Variants in AGBL3 observed in about 807,000 individuals in gnomAD.
The protein encoded by AGBL3 is cytosolic carboxypeptidase 3.
Under a neutral mutation model 94.5 loss-of-function variants are expected in AGBL3, and 68 were observed. That is an observed-to-expected ratio of 0.72 (90% CI 0.59 to 0.88). The LOEUF (loss-of-function observed/expected upper bound fraction) is 0.88. Ranked by LOEUF, AGBL3 falls within the 40% of genes least tolerant of loss-of-function variation. AGBL3 has a pLI of 0.00. For missense variants in AGBL3, 934 were observed against 1,103.8 expected (o/e 0.85, Z 2.18); for synonymous variants, 354 against 370.7 (o/e 0.95, Z 0.52).
At chr7:135,034,120 C>T in intron 6 of AGBL3, 29 bp from the exon 7 acceptor site, 1 of 1,367,942 alleles carries the variant, frequency 7.3e-7, no homozygotes, top group Non-Finnish European at 9.5e-7. Flanking sequence ...TTCTTACGTG[C>T]TTTTTTCCCT....
chr7:135,069,139 CATAATGGTAAAGGGATCAAT>C (rs1381532899), intron 12 of AGBL3, among the ~76,000 whole-genome samples: 1 of 152,182 alleles, frequency 6.6e-6, no homozygotes, highest in African/African-American at 2.4e-5. Flanking sequence ...AAGGCCATTA[CATAATGGTAAAGGGATCAAT>C]TCAACAAGAA....
intron 11 of AGBL3, among the ~76,000 whole-genome samples, chr7:135,056,350 TTTC>T (rs759393800): frequency 1.1e-4 from 17 of 152,124 alleles, no homozygotes; most frequent in Non-Finnish European, 2.4e-4. Context: ...ATTTTAAAGC[TTTC>T]TTCTTTTCTG....
chr7:135,001,306 C>T (rs1337722745), intron 4 of AGBL3, among the ~76,000 whole-genome samples: 1 of 152,136 alleles, frequency 6.6e-6, no homozygotes, highest in Non-Finnish European at 1.5e-5. Context: ...CCCAGAAAAG[C>T]TTGTTCTCCA....
At chr7:135,092,764 G>A (rs1366602314) in intron 15 of AGBL3, 1 of 151,720 alleles carries the variant, frequency 6.6e-6, no homozygotes, top group Non-Finnish European at 1.5e-5. Flanking sequence ...TATCTATTAA[G>A]AATTAGAATG....
Position 135,058,842 on chromosome 7 carries a change from C to T in AGBL3, c.1842-327C>T, listed in dbSNP as rs181651085. On this transcript the variant is annotated intron_variant, in intron 11 of 16. Coordinates refer to ENST00000436302, the MANE Select transcript of AGBL3 (RefSeq NM_178563.4). ...CACGATCTCAGCTCACTGCAACCTC[C>T]GCCTCCTGGGCCCAGGAGATTCTCC... Among the ~76,000 whole-genome samples, 48 of 152,196 alleles carry T rather than the reference C, an allele frequency of 3.2e-4. 1 individual carries two copies. In the East Asian group the frequency reaches 6.0e-3, roughly 19 times the overall value.
At chr7:135,038,507 G>A (rs1225607603) in intron 8 of AGBL3, among the ~76,000 whole-genome samples, 1 of 152,162 alleles carries the variant, frequency 6.6e-6, no homozygotes, top group Non-Finnish European at 1.5e-5. Flanking sequence ...GCTTCTTAGG[G>A]TTTTAGATCT....
chr7:134,996,159 G>A (rs895337825), intron 4 of AGBL3, among the ~76,000 whole-genome samples: 2 of 152,174 alleles, frequency 1.3e-5, no homozygotes, highest in African/African-American at 2.4e-5. Flanking sequence ...GAAAGATACT[G>A]TGGCAAGCAT....
intron 12 of AGBL3, among the ~76,000 whole-genome samples, chr7:135,071,665 G>A (rs1317944030): frequency 6.6e-6 from 1 of 152,172 alleles, no homozygotes; most frequent in Non-Finnish European, 1.5e-5. Flanking sequence ...ATGGGGAAAG[G>A]ATTCCCTATT....
At chr7:135,096,382 AGAAG>A (rs1450257556) in intron 15 of AGBL3, among the ~76,000 whole-genome samples, 2 of 147,040 alleles carry the variant, frequency 1.4e-5, no homozygotes, top group African/African-American at 5.0e-5. Context: ...AGACAGACAG[AGAAG>A]GAAGGAAGGG....
At chr7:135,128,686 T>C (rs1828303072) in intron 16 of AGBL3, 1 of 1,294,916 alleles carries the variant, frequency 7.7e-7, no homozygotes, top group Admixed American at 1.7e-5. Flanking sequence ...CTGAATATTG[T>C]CTCTCCTTTT....
chr7:134,996,314 G>A (rs1811002306), intron 4 of AGBL3, among the ~76,000 whole-genome samples: 1 of 152,106 alleles, frequency 6.6e-6, no homozygotes, highest in African/African-American at 2.4e-5. Context: ...TTAGACCCCT[G>A]TAGTCATGAC....
intron 11 of AGBL3, among the ~76,000 whole-genome samples, chr7:135,053,197 T>C (rs903129077): frequency 3.3e-5 from 5 of 152,000 alleles, no homozygotes; most frequent in African/African-American, 1.2e-4. Flanking sequence ...ACACCAGAAG[T>C]GATGGGTGAA....
chr7:135,063,955 G>A (rs891367515), intron 12 of AGBL3, among the ~76,000 whole-genome samples: 5 of 152,270 alleles, frequency 3.3e-5, no homozygotes, highest in African/African-American at 9.6e-5. Context: ...GTTGGGTTCA[G>A]GTTTATTTCA....
At chr7:135,112,729 A>G (rs1390372946) in intron 15 of AGBL3, among the ~76,000 whole-genome samples, 8 of 152,186 alleles carry the variant, frequency 5.3e-5, no homozygotes, top group African/African-American at 1.4e-4. Context: ...ACATCTATTT[A>G]CCAAACAAAA....
chr7:135,007,743 T>C (rs1010928443), intron 4 of AGBL3, among the ~76,000 whole-genome samples: 1 of 151,990 alleles, frequency 6.6e-6, no homozygotes, highest in African/African-American at 2.4e-5. Context: ...ATAAAATAAT[T>C]TTGTACATAG....
chr7:135,017,204 CT>C, intron 5 of AGBL3, 45 bp downstream of exon 5: 1 of 1,338,496 alleles, frequency 7.5e-7, no homozygotes, highest in Non-Finnish European at 1.0e-6. Flanking sequence ...TAATTTGGTA[CT>C]TAGGTTAATC....
chr7:135,023,886 G>A (rs979553068), intron 5 of AGBL3, among the ~76,000 whole-genome samples: 1 of 152,218 alleles, frequency 6.6e-6, no homozygotes, highest in Admixed American at 6.5e-5. Flanking sequence ...TGGCCTAGGA[G>A]CACTTCACAT....
At chr7:135,032,802 T>A in intron 5 of AGBL3, 42 bp from the exon 6 acceptor site, 2 of 1,499,544 alleles carry the variant, frequency 1.3e-6, no homozygotes, top group Non-Finnish European at 1.8e-6. Flanking sequence ...CTTCTTACTT[T>A]AGGTATACCT....
At chr7:135,100,873 C>A (rs890219301) in intron 15 of AGBL3, among the ~76,000 whole-genome samples, 3 of 152,176 alleles carry the variant, frequency 2.0e-5, no homozygotes, top group African/African-American at 7.2e-5. Flanking sequence ...AATAGCTTAA[C>A]CTCTCTGATT....
Sources: allele counts gnomAD v4.1 joint callset (sites outside exome capture counted in the v4.1 genomes callset), GRCh38; gene constraint gnomAD v4.1.1; transcripts MANE v1.5; gene names NCBI Gene and HGNC (gene_info 2026-07-23, HGNC 2026-07-21).